The following FHIT variants were observed in gnomAD, a reference collection of about 807,000 sequenced individuals.
FHIT encodes the protein fragile histidine triad diadenosine triphosphatase, also known as bis(5'-adenosyl)-triphosphatase.
A neutral mutation model predicts 17.9 loss-of-function variants in FHIT; 19 were observed. That is an observed-to-expected ratio of 1.06 (90% CI 0.74 to 1.56). The LOEUF is 1.56. Among genes scored for constraint, FHIT ranks in the 40% most tolerant of loss-of-function variants. FHIT has a pLI of 0.00. For missense variants in FHIT, 248 were observed against 189.2 expected (o/e 1.31, Z -1.82); for synonymous variants, 81 against 69.7 (o/e 1.16, Z -0.81).
intron 7 of FHIT, among the ~76,000 whole-genome samples, chr3:59,998,491 T>C (rs1031022461): frequency 6.6e-6 from 1 of 152,076 alleles, no homozygotes; most frequent in Non-Finnish European, 1.5e-5. Context: ...TTATGAAGCC[T>C]GAACCAAAAA....
intron 5 of FHIT, among the ~76,000 whole-genome samples, chr3:60,150,906 T>C (rs1700435951): frequency 6.8e-6 from 1 of 147,772 alleles, no homozygotes; most frequent in Non-Finnish European, 1.5e-5. Flanking sequence ...GTGACAGAGC[T>C]AGACTCCGCC....
chr3:61,210,849 C>T (rs1241150524), intron 1 of FHIT, among the ~76,000 whole-genome samples: 1 of 151,790 alleles, frequency 6.6e-6, no homozygotes, highest in Non-Finnish European at 1.5e-5. Context: ...GTGAGATGAA[C>T]CTGGTACCTC....
chr3:60,649,128 T>G (rs1230532961), intron 4 of FHIT, among the ~76,000 whole-genome samples: 1 of 152,180 alleles, frequency 6.6e-6, no homozygotes, highest in Non-Finnish European at 1.5e-5. Flanking sequence ...CCGGGCGCGG[T>G]GGCTCACGCC....
intron 5 of FHIT, among the ~76,000 whole-genome samples, chr3:60,114,921 T>C (rs1285250382): frequency 2.6e-5 from 4 of 152,150 alleles, no homozygotes; most frequent in Non-Finnish European, 5.9e-5. Flanking sequence ...GAAAAGCCGC[T>C]GTCTGATAAA....
At chr3:61,142,506 C>G (rs1471863325) in intron 2 of FHIT, among the ~76,000 whole-genome samples, 1 of 152,140 alleles carries the variant, frequency 6.6e-6, no homozygotes, top group Non-Finnish European at 1.5e-5. Flanking sequence ...CTGTGATCAC[C>G]TTACCTCCTC....
At chr3:61,183,877 A>G (rs1406566112) in intron 2 of FHIT, among the ~76,000 whole-genome samples, 1 of 151,394 alleles carries the variant, frequency 6.6e-6, no homozygotes, top group African/African-American at 2.4e-5. Flanking sequence ...TAATGGGCAA[A>G]GCATCATGGG....
intron 5 of FHIT, among the ~76,000 whole-genome samples, chr3:60,498,200 TTA>T (rs1173696016): frequency 2.0e-5 from 3 of 152,222 alleles, no homozygotes; most frequent in South Asian, 2.1e-4. Context: ...TATTTTAAAT[TTA>T]AGGCATTTCC....
intron 5 of FHIT, among the ~76,000 whole-genome samples, chr3:60,505,813 T>C (rs1176349483): frequency 6.6e-6 from 1 of 152,198 alleles, no homozygotes; most frequent in Non-Finnish European, 1.5e-5. Flanking sequence ...ATGGCATTCT[T>C]TCATCCAACG....
chr3:60,521,820 A>G (rs2035378257), intron 5 of FHIT, among the ~76,000 whole-genome samples: 1 of 152,222 alleles, frequency 6.6e-6, no homozygotes, highest in Non-Finnish European at 1.5e-5. Flanking sequence ...TTGTACCCAA[A>G]GACAGTAAAT....
intron 3 of FHIT, among the ~76,000 whole-genome samples, chr3:60,940,379 T>C (rs952391227): frequency 1.3e-5 from 2 of 152,166 alleles, no homozygotes; most frequent in East Asian, 3.8e-4. Flanking sequence ...AAGTGTATTT[T>C]CAAAGCTGCA....
chr3:59,871,991 T>C (rs1272688827), intron 8 of FHIT, among the ~76,000 whole-genome samples: 1 of 152,234 alleles, frequency 6.6e-6, no homozygotes, highest in East Asian at 1.9e-4. Flanking sequence ...ACCAAGGTGA[T>C]ACAAAGTTTC....
chr3:60,732,906 A>G (rs2042062834), intron 4 of FHIT, among the ~76,000 whole-genome samples: 1 of 151,896 alleles, frequency 6.6e-6, no homozygotes, highest in Non-Finnish European at 1.5e-5. Flanking sequence ...GCCAGGTCTC[A>G]AACTCCTGAC....
chr3:60,920,038 A>G (rs1219055260), intron 3 of FHIT, among the ~76,000 whole-genome samples: 1 of 152,170 alleles, frequency 6.6e-6, no homozygotes, highest in Non-Finnish European at 1.5e-5. Flanking sequence ...CGTCTCAAAA[A>G]AAAAAAAAAA....
At chr3:60,653,761 T>C (rs1417153060) in intron 4 of FHIT, among the ~76,000 whole-genome samples, 2 of 151,980 alleles carry the variant, frequency 1.3e-5, no homozygotes, top group Non-Finnish European at 2.9e-5. Context: ...GGAAAAAGGA[T>C]TTTCAACAGA....
intron 8 of FHIT, among the ~76,000 whole-genome samples, chr3:59,783,345 T>C (rs948294350): frequency 1.3e-5 from 2 of 152,138 alleles, no homozygotes; most frequent in Non-Finnish European, 2.9e-5. Context: ...GGCGCATGCC[T>C]GTAGTCTCAG....
chr3:61,068,326 G>A (rs1207255437), intron 2 of FHIT, among the ~76,000 whole-genome samples: 2 of 152,244 alleles, frequency 1.3e-5, no homozygotes, highest in East Asian at 3.9e-4. Flanking sequence ...TTTCCTTATT[G>A]CCTGTCAGCT....
Position 60,445,712 on chromosome 3 carries a change from G to C in FHIT, c.103+91148C>G, listed in dbSNP as rs561148129. ...CTTATTTTTCCCCCTGTAGACACAC[G>C]ATTTTCTTTCTTTGTAAGAAAGAAT... On this transcript the variant is annotated intron_variant, in intron 5 of 9. Transcript: ENST00000492590. Among the ~76,000 whole-genome samples, 196 of 151,410 alleles carry C rather than the reference G, an allele frequency of 1.3e-3. 1 individual carries two copies. The highest frequency in any genetic ancestry group is 4.5e-3 in the African/African-American group (185 of 41,218).
At chr3:60,071,208 T>C (rs1702754816) in intron 5 of FHIT, among the ~76,000 whole-genome samples, 1 of 152,116 alleles carries the variant, frequency 6.6e-6, no homozygotes, top group Admixed American at 6.6e-5. Context: ...GTACCAGAAG[T>C]GTAAAATACA....
chr3:60,170,054 A>G (rs946402470), intron 5 of FHIT, among the ~76,000 whole-genome samples: 1 of 152,140 alleles, frequency 6.6e-6, no homozygotes, highest in Non-Finnish European at 1.5e-5. Flanking sequence ...CACAGTTCAC[A>G]TGATTGGAGA....
Sources: allele counts gnomAD v4.1 joint callset (sites outside exome capture counted in the v4.1 genomes callset), GRCh38; gene constraint gnomAD v4.1.1; transcripts MANE v1.5; gene names NCBI Gene and HGNC (gene_info 2026-07-23, HGNC 2026-07-21).